The following ADAM28 variants were observed in gnomAD, a reference collection of about 807,000 sequenced individuals.
The protein encoded by ADAM28 is ADAM metallopeptidase domain 28, also known as disintegrin and metalloproteinase domain-containing protein 28.
ADAM28 carries 105 observed loss-of-function variants against 101.2 expected under a neutral mutation model. That is an observed-to-expected ratio of 1.04 (90% CI 0.89 to 1.22). The LOEUF is 1.22. Among genes scored for constraint, ADAM28 ranks in the 50% most tolerant of loss-of-function variants. ADAM28 has a pLI of 0.00. For missense variants in ADAM28, 1,028 were observed against 945.4 expected (o/e 1.09, Z -1.15); for synonymous variants, 322 against 310.6 (o/e 1.04, Z -0.39).
At chr8:24,344,597 T>C (rs1050945185) in intron 18 of ADAM28, among the ~76,000 whole-genome samples, 2 of 152,204 alleles carry the variant, frequency 1.3e-5, no homozygotes, top group African/African-American at 4.8e-5. Flanking sequence ...ATCCCTTAAC[T>C]TCCTATCTTT....
intron 8 of ADAM28, among the ~76,000 whole-genome samples, chr8:24,322,301 C>G (rs1811983577): frequency 6.6e-6 from 1 of 151,782 alleles, no homozygotes; most frequent in African/African-American, 2.4e-5. Flanking sequence ...TGGGGAGGCG[C>G]AAGGTGTTTG....
At chr8:24,329,857 GTGTGTGTGTGTT>G (rs1813106128) in intron 10 of ADAM28, 116 bp from the exon 11 acceptor site, 16 of 888,856 alleles carry the variant, frequency 1.8e-5, no homozygotes, top group African/African-American at 1.8e-4. Flanking sequence ...CTGTGTGTGT[GTGTGTGTGTGTT>G]TGTGTGTGTG....
At chr8:24,327,846 C>T (rs1417778903) in intron 10 of ADAM28, among the ~76,000 whole-genome samples, 2 of 151,998 alleles carry the variant, frequency 1.3e-5, no homozygotes, top group Non-Finnish European at 1.5e-5. Context: ...TAAGAGTATG[C>T]CTCTAACTCT....
chr8:24,315,903 A>G (rs977495988), intron 6 of ADAM28, among the ~76,000 whole-genome samples: 1 of 151,978 alleles, frequency 6.6e-6, no homozygotes, highest in Non-Finnish European at 1.5e-5. Context: ...CTGAAAGACA[A>G]AAAATACATG....
intron 9 of ADAM28, 67 bp from the exon 10 acceptor site, chr8:24,326,487 A>T: frequency 7.0e-7 from 1 of 1,431,250 alleles, no homozygotes; most frequent in African/African-American, 1.4e-5. Flanking sequence ...AGGGTTTTGG[A>T]TGTATTGTCT....
At chr8:24,321,412 T>A (rs575184317) in intron 8 of ADAM28, 123 bp downstream of exon 8, 1 of 821,468 alleles carries the variant, frequency 1.2e-6, no homozygotes, top group East Asian at 2.5e-5. Flanking sequence ...TGTGGCTGAC[T>A]GGCTCCCAAA....
At chr8:24,336,895 A>T (rs959195430) in intron 14 of ADAM28, among the ~76,000 whole-genome samples, 1 of 152,200 alleles carries the variant, frequency 6.6e-6, no homozygotes, top group African/African-American at 2.4e-5. Flanking sequence ...CTCCTACTTA[A>T]ATGACTGAAA....
At position 24,349,920 on chromosome 8, in the gene ADAM28, G is replaced by T; in HGVS notation, c.2047G>T (p.Ala683Ser). The T allele has an allele frequency of 6.2e-7, 1 of 1,613,736 alleles. No homozygotes were observed. The highest frequency in any genetic ancestry group is 1.1e-5 in the South Asian group (1 of 91,080). The stretch of plus-strand genomic sequence containing the variant: ...AATGGCGGTCATTTTTGTGGTGGTT[G>T]CTATGGTAATCCGGCACCAGAGCTC... ...FPMAVIFVVV[A>S]MVIRHQSSRE... Residue 683 changes from alanine (A) to serine (S), a missense_variant, in exon 19 of 23, where the codon GCT becomes TCT. Physicochemically the swap from Ala to Ser is moderately conservative, Grantham distance 99. Coordinates refer to ENST00000265769, the MANE Select transcript of ADAM28 (RefSeq NM_014265.6).
At chr8:24,303,354 G>T (rs1809099047) in intron 2 of ADAM28, among the ~76,000 whole-genome samples, 1 of 151,884 alleles carries the variant, frequency 6.6e-6, no homozygotes, top group Non-Finnish European at 1.5e-5. Context: ...TCAATTTTCT[G>T]CATGTGGCTA....
intron 2 of ADAM28, among the ~76,000 whole-genome samples, chr8:24,301,528 A>T (rs990342876): frequency 6.6e-6 from 1 of 152,214 alleles, no homozygotes; most frequent in South Asian, 2.1e-4. Flanking sequence ...AGTCCTTTCA[A>T]CAAACATATA....
chr8:24,308,074 C>T (rs1809942276), intron 2 of ADAM28, among the ~76,000 whole-genome samples: 5 of 152,186 alleles, frequency 3.3e-5, no homozygotes. Context: ...CCCACTAAAT[C>T]AGACCCATGT....
At chr8:24,333,360 G>C (rs1245748211) in intron 13 of ADAM28, among the ~76,000 whole-genome samples, 1 of 152,156 alleles carries the variant, frequency 6.6e-6, no homozygotes, top group Non-Finnish European at 1.5e-5. Flanking sequence ...ACCTATGTAA[G>C]AGACCGATAC....
chr8:24,348,831 C>A (rs1321478352), intron 18 of ADAM28, among the ~76,000 whole-genome samples: 4 of 152,140 alleles, frequency 2.6e-5, no homozygotes, highest in African/African-American at 7.2e-5. Context: ...TGAAGTACTG[C>A]CAAATTCCCA....
chr8:24,339,398 T>A, intron 14 of ADAM28, 68 bp from the exon 15 acceptor site: 1 of 1,224,768 alleles, frequency 8.2e-7, no homozygotes, highest in Non-Finnish European at 1.2e-6. Flanking sequence ...TAAAATCTTT[T>A]ATTTTCAAGT....
chr8:24,347,299 A>G (rs1463023499), intron 18 of ADAM28, among the ~76,000 whole-genome samples: 2 of 152,108 alleles, frequency 1.3e-5, no homozygotes, highest in East Asian at 1.9e-4. Flanking sequence ...TATATAGTGA[A>G]GGATGTTTAC....
intron 2 of ADAM28, among the ~76,000 whole-genome samples, chr8:24,300,301 C>T (rs1486967277): frequency 1.3e-5 from 2 of 151,998 alleles, no homozygotes; most frequent in Non-Finnish European, 2.9e-5. Context: ...TTGTTTTTGA[C>T]CTTTTAAAAA....
chr8:24,335,736 CCTT>C (rs1448080706), intron 14 of ADAM28, 95 bp downstream of exon 14: 15 of 1,333,312 alleles, frequency 1.1e-5, no homozygotes, highest in Middle Eastern at 1.9e-4. Context: ...TCTGTCCTAT[CCTT>C]CTTAGAAGCT....
At position 24,357,865 on chromosome 8, in the gene ADAM28, C is replaced by T. The variant is rs554596434; in HGVS notation, c.*3461C>T. The stretch of plus-strand genomic sequence containing the variant: ...TCTGATAGCCAGTATTCTCATTTAT[C>T]ATATTCTTTCTCACTTTGTGTTTCC... On this transcript the variant is annotated 3_prime_UTR_variant, in exon 23 of 23. Transcript: ENST00000265769. 2 of 152,194 alleles carry T rather than the reference C, an allele frequency of 1.3e-5. No individual in the cohort carries two copies. The highest frequency in any genetic ancestry group is 3.9e-4 in the East Asian group (2 of 5,182). 9.4% of individuals were successfully genotyped at this position (152,194 alleles called of 1,614,324 possible).
rs1815039640 is a variant in ADAM28 at position 24,343,522 on chromosome 8, T to C, written c.1928T>C (p.Leu643Pro). The change falls in exon 18 of 23, where the codon CTC (leucine) becomes CCC (proline). Residue 643 changes from leucine (L) to proline (P), a missense_variant. Transcript: ENST00000265769. Reference protein sequence around the residue: ...CKGHAVCDHELQCQCEEGWIP... With the variant: ...CKGHAVCDHEPQCQCEEGWIP... ...CTCCCCTAGGTGTGTGACCATGAGC[T>C]CCAGTGTCAATGTGAGGAAGGATGG... 2 of 1,613,660 alleles carry C rather than the reference T, an allele frequency of 1.2e-6. No homozygotes were observed. The highest frequency in any genetic ancestry group is 1.7e-6 in the Non-Finnish European group (2 of 1,179,834).
Sources: gnomAD v4.1 joint callset for allele counts (sites outside exome capture counted in the v4.1 genomes callset) on GRCh38, gnomAD v4.1.1 for gene constraint, MANE v1.5 for transcripts, NCBI Gene and HGNC (gene_info 2026-07-23, HGNC 2026-07-21) for gene names.